The following RPS6KA2 variants were observed in gnomAD, a reference collection of about 807,000 sequenced individuals.
RPS6KA2 encodes ribosomal protein S6 kinase alpha-2.
Under a neutral mutation model 91.8 loss-of-function variants are expected in RPS6KA2, and 42 were observed. The observed-to-expected ratio is 0.46, with a 90% CI of 0.36 to 0.59. RPS6KA2 has a LOEUF of 0.59. Among genes scored for constraint, RPS6KA2 ranks in the 20% least tolerant of loss-of-function variants. The pLI is 0.00. For missense variants in RPS6KA2, 798 were observed against 978.5 expected (o/e 0.82, Z 2.46); for synonymous variants, 414 against 393.6 (o/e 1.05, Z -0.61).
At chr6:166,421,019 G>A (rs188967564) in intron 17 of RPS6KA2, among the ~76,000 whole-genome samples, 2 of 152,216 alleles carry the variant, frequency 1.3e-5, no homozygotes, top group South Asian at 2.1e-4. Context: ...TCTCTGTATC[G>A]CTGCTACCAT....
At chr6:166,616,363 C>T (rs1453425764) in intron 1 of RPS6KA2, among the ~76,000 whole-genome samples, 1 of 152,028 alleles carries the variant, frequency 6.6e-6, no homozygotes, top group African/African-American at 2.4e-5. Flanking sequence ...GCAACAGCTC[C>T]CCTCACCAGC....
At chr6:166,826,436 A>G (rs921990972) in intron 2 of RPS6KA2, among the ~76,000 whole-genome samples, 1 of 152,210 alleles carries the variant, frequency 6.6e-6, no homozygotes, top group Non-Finnish European at 1.5e-5. Flanking sequence ...ATGTCCTGGG[A>G]TGACCTAAAT....
intron 2 of RPS6KA2, among the ~76,000 whole-genome samples, chr6:166,790,988 G>C (rs1267064109): frequency 6.6e-6 from 1 of 152,156 alleles, no homozygotes; most frequent in African/African-American, 2.4e-5. Flanking sequence ...ACATCATAAT[G>C]ACAGGACCAA....
chr6:166,421,630 C>T (rs759544221), intron 17 of RPS6KA2, among the ~76,000 whole-genome samples: 1 of 152,164 alleles, frequency 6.6e-6, no homozygotes, highest in Non-Finnish European at 1.5e-5. Context: ...ATTCTCTGTT[C>T]TTTGTTGCAG....
chr6:166,481,290 G>A (rs1478675686), intron 10 of RPS6KA2, among the ~76,000 whole-genome samples: 1 of 152,264 alleles, frequency 6.6e-6, no homozygotes, highest in Non-Finnish European at 1.5e-5. Flanking sequence ...ACTGAGCAAA[G>A]CTCAAAGTGG....
At chr6:166,588,062 C>G (rs1331439491) in intron 1 of RPS6KA2, among the ~76,000 whole-genome samples, 1 of 152,206 alleles carries the variant, frequency 6.6e-6, no homozygotes, top group Non-Finnish European at 1.5e-5. Context: ...GTATCATGAA[C>G]TAAAAGTGAA....
intron 1 of RPS6KA2, among the ~76,000 whole-genome samples, chr6:166,585,498 C>CTTTTTTTTTTTTTT (rs58153048): frequency 1.5e-4 from 13 of 86,298 alleles, no homozygotes; most frequent in Non-Finnish European, 1.6e-4. Flanking sequence ...TCAAACAAGT[C>CTTTTTTTTTTTTTT]TTTTTTTTTT....
intron 2 of RPS6KA2, among the ~76,000 whole-genome samples, chr6:166,660,403 T>C (rs60079689): frequency 0.24 from 36,504 of 149,698 alleles, 4,386 homozygotes; most frequent in East Asian, 0.34. Context: ...CGTGCGTGTG[T>C]GTGTGTGTGT....
intron 2 of RPS6KA2, among the ~76,000 whole-genome samples, chr6:166,704,702 A>G (rs1435877008): frequency 6.6e-6 from 1 of 152,220 alleles, no homozygotes; most frequent in Non-Finnish European, 1.5e-5. Context: ...AAACGAGCAC[A>G]TGATGGTGAC....
intron 2 of RPS6KA2, among the ~76,000 whole-genome samples, chr6:166,764,507 C>T (rs972523430): frequency 6.6e-6 from 1 of 152,136 alleles, no homozygotes; most frequent in African/African-American, 2.4e-5. Context: ...TGAAATCCAG[C>T]CACAGTGAGA....
intron 2 of RPS6KA2, among the ~76,000 whole-genome samples, chr6:166,778,011 T>C (rs1778671359): frequency 6.6e-6 from 1 of 152,254 alleles, no homozygotes; most frequent in African/African-American, 2.4e-5. Context: ...TCTGTAAATT[T>C]AATTTAATAA....
chr6:166,478,148 G>C (rs941038867), intron 10 of RPS6KA2, among the ~76,000 whole-genome samples: 1 of 152,224 alleles, frequency 6.6e-6, no homozygotes, highest in Non-Finnish European at 1.5e-5. Context: ...GGCTGGGCGG[G>C]GGCGGTTACC....
At chr6:166,657,018 C>T (rs1470314927) in intron 2 of RPS6KA2, among the ~76,000 whole-genome samples, 1 of 152,142 alleles carries the variant, frequency 6.6e-6, no homozygotes. Flanking sequence ...CTGGTCGAGA[C>T]CTTGAACTCT....
At chr6:166,580,643 C>T (rs1487128931) in intron 1 of RPS6KA2, among the ~76,000 whole-genome samples, 3 of 152,106 alleles carry the variant, frequency 2.0e-5, no homozygotes, top group Non-Finnish European at 4.4e-5. Flanking sequence ...AGCAAAAAGA[C>T]CTGATTTTCA....
chr6:166,513,226 T>G (rs150956927), intron 3 of RPS6KA2, among the ~76,000 whole-genome samples: 5 of 152,142 alleles, frequency 3.3e-5, no homozygotes, highest in Non-Finnish European at 2.9e-5. Flanking sequence ...AGGCATCGAG[T>G]AGGCACCCAG....
chr6:166,682,265 A>C (rs141528791), intron 2 of RPS6KA2, among the ~76,000 whole-genome samples: 362 of 152,380 alleles, frequency 2.4e-3, no homozygotes, highest in African/African-American at 8.4e-3. Context: ...TGCGTCACTT[A>C]GTTGTTTTTA....
intron 1 of RPS6KA2, among the ~76,000 whole-genome samples, chr6:166,590,213 G>A (rs1785311896): frequency 6.6e-6 from 1 of 152,186 alleles, no homozygotes. Flanking sequence ...TATACTTTTT[G>A]CTTAAAACTT....
rs867375027 is a variant in RPS6KA2 at position 166,612,387 on chromosome 6, G to C, written c.99+14534C>G. Among the ~76,000 whole-genome samples, 1 of 152,186 alleles carries C rather than the reference G, an allele frequency of 6.6e-6. No individual in the cohort carries two copies. The highest frequency in any genetic ancestry group is 2.1e-4 in the South Asian group (1 of 4,818). On this transcript the variant is annotated intron_variant, in intron 1 of 20. Transcript: ENST00000265678. The surrounding 1 kb of genome is among the most constrained non-coding windows in gnomAD (Gnocchi z 4.3). ...GGTGCATGAGTGAAACTCTGAATTT[G>C]TAGTTTTCCTTAGGAGAAAGATGGC...
In RPS6KA2 at chr6:166,821,036, G is replaced by A. The variant is rs544951632; in HGVS notation, c.123+37164C>T. 6.6e-6 allele frequency among the ~76,000 whole-genome samples: 1 copy of A among 152,146 alleles called. No individual in the cohort carries two copies. The highest frequency in any genetic ancestry group is 1.5e-5 in the Non-Finnish European group (1 of 68,022). ...GGGAGCCAAGGGCAGGGACAAGCAGGTGTCTTGGAATGATGGGTCCAGGGC... is the reference window on the plus strand; with the variant it reads ...GGGAGCCAAGGGCAGGGACAAGCAGATGTCTTGGAATGATGGGTCCAGGGC... On this transcript the variant is annotated intron_variant, in intron 2 of 21. Transcript: ENST00000503859. The surrounding 1 kb of genome is among the most constrained non-coding windows in gnomAD (Gnocchi z 4.1).
Sources: gnomAD v4.1 joint callset for allele counts (sites outside exome capture counted in the v4.1 genomes callset) on GRCh38, gnomAD v4.1.1 for gene constraint, Gnocchi (gnomAD v3.1) non-coding constraint, MANE v1.5 for transcripts, NCBI Gene and HGNC (gene_info 2026-07-23, HGNC 2026-07-21) for gene names.